The following KCNIP4 variants were observed in gnomAD, a reference collection of about 807,000 sequenced individuals.
The protein encoded by KCNIP4 is potassium voltage-gated channel interacting protein 4, also known as Kv channel-interacting protein 4.
Under a neutral mutation model 34.0 loss-of-function variants are expected in KCNIP4, and 12 were observed. That is an observed-to-expected ratio of 0.35 (90% CI 0.23 to 0.57). The LOEUF is 0.57. Ranked by LOEUF, KCNIP4 falls within the 20% of genes least tolerant of loss-of-function variation. KCNIP4 has a pLI of 0.83. For missense variants in KCNIP4, 238 were observed against 311.7 expected, an observed-to-expected ratio of 0.76 and a Z score of 1.78; for synonymous variants, 124 against 102.2, an observed-to-expected ratio of 1.21 and a Z score of -1.29.
chr4:21,948,314 G>T (rs1228898700), intron 1 of KCNIP4, among the ~76,000 whole-genome samples: 6 of 152,144 alleles, frequency 3.9e-5, no homozygotes, highest in African/African-American at 1.4e-4. Context: ...GATCGCAGGG[G>T]ACCCTGCCAC....
chr4:21,919,956 T>C (rs1407679823), intron 1 of KCNIP4, among the ~76,000 whole-genome samples: 1 of 152,044 alleles, frequency 6.6e-6, no homozygotes, highest in Non-Finnish European at 1.5e-5. Context: ...TAAAAAAAGG[T>C]CTAATTAAAA....
intron 3 of KCNIP4, among the ~76,000 whole-genome samples, chr4:20,794,125 C>T (rs1329529112): frequency 6.6e-6 from 1 of 152,142 alleles, no homozygotes. Context: ...TGTGAGGCCT[C>T]CCCACCCATG....
At chr4:21,734,605 A>T (rs1344878447) in intron 1 of KCNIP4, among the ~76,000 whole-genome samples, 2 of 152,210 alleles carry the variant, frequency 1.3e-5, no homozygotes, top group African/African-American at 4.8e-5. Context: ...AAAGAAATAC[A>T]AATAAAGCAC....
At chr4:21,560,248 T>C (rs1577596527) in intron 1 of KCNIP4, among the ~76,000 whole-genome samples, 1 of 152,120 alleles carries the variant, frequency 6.6e-6, no homozygotes, top group African/African-American at 2.4e-5. Flanking sequence ...CATAGGGCCA[T>C]TCCAATTGTA....
intron 1 of KCNIP4, among the ~76,000 whole-genome samples, chr4:21,514,610 A>C (rs532411608): frequency 1.3e-5 from 2 of 152,176 alleles, no homozygotes; most frequent in Non-Finnish European, 2.9e-5. Context: ...AAGCAAACCC[A>C]ATCAACACAG....
chr4:21,862,380 A>G (rs535210519), intron 1 of KCNIP4, among the ~76,000 whole-genome samples: 11 of 152,224 alleles, frequency 7.2e-5, no homozygotes, highest in Non-Finnish European at 1.6e-4. Context: ...AACTCAGAAT[A>G]AAATAAAATT....
At chr4:20,943,719 A>T (rs910314608) in intron 1 of KCNIP4, among the ~76,000 whole-genome samples, 2 of 152,102 alleles carry the variant, frequency 1.3e-5, no homozygotes, top group African/African-American at 4.8e-5. Context: ...ACTACATGAC[A>T]CTGCAGGACC....
chr4:21,648,934 A>G (rs1391711040), intron 1 of KCNIP4, among the ~76,000 whole-genome samples: 1 of 152,146 alleles, frequency 6.6e-6, no homozygotes, highest in Non-Finnish European at 1.5e-5. Context: ...CTGTTTGAAC[A>G]TTTTATGGAA....
chr4:21,330,832 T>C (rs1715558563), intron 1 of KCNIP4, among the ~76,000 whole-genome samples: 1 of 152,166 alleles, frequency 6.6e-6, no homozygotes, highest in Admixed American at 6.6e-5. Flanking sequence ...TTTTTGCTAT[T>C]TGTTTTGTTG....
intron 1 of KCNIP4, among the ~76,000 whole-genome samples, chr4:21,719,289 G>A (rs1048687184): frequency 7.9e-5 from 12 of 152,108 alleles, no homozygotes; most frequent in African/African-American, 2.4e-4. Flanking sequence ...TCATCTCAGA[G>A]GAACATGAAG....
At chr4:21,348,293 T>C (rs1717664261) in intron 1 of KCNIP4, among the ~76,000 whole-genome samples, 1 of 152,198 alleles carries the variant, frequency 6.6e-6, no homozygotes, top group Admixed American at 6.5e-5. Flanking sequence ...TTTTTCTCAG[T>C]AGACTTGTTT....
Position 21,475,003 on chromosome 4 carries a change from A to G in KCNIP4, c.61+473568T>C, listed in dbSNP as rs1382892923. The stretch of plus-strand genomic sequence containing the variant: ...ACAAAAGAATGAGACTCCATCTCGA[A>G]AAACAAAAAAAAAAGACGTTAATAA... On this transcript the variant is annotated intron_variant, in intron 1 of 8. Coordinates refer to ENST00000382152, the MANE Select transcript of KCNIP4 (RefSeq NM_025221.6). Among the ~76,000 whole-genome samples the G allele has an allele frequency of 1.1e-3, 142 of 129,752 alleles. 3 individuals are homozygous for G. The highest frequency in any genetic ancestry group is 3.9e-3 in the African/African-American group (133 of 34,320). The allele number at this position is 129,752 out of a possible 152,430, so 85.1% of individuals were successfully genotyped here.
At chr4:21,282,625 T>C (rs1031974021) in intron 1 of KCNIP4, among the ~76,000 whole-genome samples, 14 of 152,348 alleles carry the variant, frequency 9.2e-5, no homozygotes, top group Admixed American at 8.5e-4. Flanking sequence ...TGTTATCCAG[T>C]GTTTCACAAT....
At chr4:21,813,674 A>G (rs1721797510) in intron 1 of KCNIP4, among the ~76,000 whole-genome samples, 1 of 152,228 alleles carries the variant, frequency 6.6e-6, no homozygotes, top group African/African-American at 2.4e-5. Flanking sequence ...AGTTGCATAG[A>G]AAAACCCTTT....
chr4:21,944,875 C>A (rs1730417417), intron 1 of KCNIP4, among the ~76,000 whole-genome samples: 1 of 151,986 alleles, frequency 6.6e-6, no homozygotes, highest in South Asian at 2.1e-4. Flanking sequence ...TGCTTCAATG[C>A]CCAAGGGTAA....
intron 1 of KCNIP4, among the ~76,000 whole-genome samples, chr4:21,120,037 G>C (rs572514706): frequency 6.6e-6 from 1 of 152,098 alleles, no homozygotes; most frequent in East Asian, 1.9e-4. Flanking sequence ...GATTGTTCTA[G>C]CCTTCCCAAT....
chr4:21,800,755 C>T (rs10011339), intron 1 of KCNIP4, among the ~76,000 whole-genome samples: 17,680 of 152,022 alleles, frequency 0.12, 3,459 homozygotes, highest in African/African-American at 0.4. Context: ...TATAGAATTC[C>T]GCATACAAAC....
At chr4:20,898,556 A>G (rs970993191) in intron 1 of KCNIP4, among the ~76,000 whole-genome samples, 1 of 152,202 alleles carries the variant, frequency 6.6e-6, no homozygotes, top group African/African-American at 2.4e-5. Flanking sequence ...TGCACAATGC[A>G]CTTTAGTTAG....
chr4:21,721,023 G>GTA (rs2109095460), intron 1 of KCNIP4, among the ~76,000 whole-genome samples: 1 of 152,212 alleles, frequency 6.6e-6, no homozygotes, highest in East Asian at 1.9e-4. Context: ...AATCCTTTGG[G>GTA]TATATACCCA....
Sources: allele counts gnomAD v4.1 joint callset (sites outside exome capture counted in the v4.1 genomes callset), GRCh38; gene constraint gnomAD v4.1.1; transcripts MANE v1.5; gene names NCBI Gene and HGNC (gene_info 2026-07-23, HGNC 2026-07-21).